Variants in DEUP1 observed in about 807,000 individuals in gnomAD.
DEUP1 encodes coiled-coil domain containing 67.
A neutral mutation model predicts 87.4 loss-of-function variants in DEUP1; 82 were observed. The ratio of observed to expected loss-of-function variants is 0.94; its 90% CI spans 0.78 to 1.13. The LOEUF is 1.13. Among genes scored for constraint, DEUP1 ranks in the 50% most tolerant of loss-of-function variants. The pLI, the probability that DEUP1 is intolerant of heterozygous loss-of-function variation, is 0.00. For synonymous variants in DEUP1, 214 were observed against 222.7 expected (o/e 0.96, Z 0.35); for missense variants, 663 against 681.5 (o/e 0.97, Z 0.30).
chr11:93,380,561 C>T (rs1002637758), intron 7 of DEUP1, among the ~76,000 whole-genome samples: 1 of 151,844 alleles, frequency 6.6e-6, no homozygotes, highest in Non-Finnish European at 1.5e-5. Context: ...CCACCATGCT[C>T]GGCTATTTTT....
chr11:93,389,568 A>G (rs1946704842), intron 9 of DEUP1, among the ~76,000 whole-genome samples: 1 of 152,238 alleles, frequency 6.6e-6, no homozygotes. Flanking sequence ...AACATGTGCC[A>G]GGAACTGTTC....
chr11:93,367,208 T>C (rs1424985442), intron 5 of DEUP1, among the ~76,000 whole-genome samples: 1 of 152,168 alleles, frequency 6.6e-6, no homozygotes, highest in Non-Finnish European at 1.5e-5. Context: ...TTCATTAAAG[T>C]AAAAACTTCC....
At chr11:93,415,234 G>C (rs758031237) in intron 13 of DEUP1, 120 bp downstream of exon 13, 1 of 558,772 alleles carries the variant, frequency 1.8e-6, no homozygotes, top group Admixed American at 3.2e-5. Context: ...TCCTTGAATA[G>C]GACTCCAAGA....
At chr11:93,387,694 C>T (rs1946626219) in intron 8 of DEUP1, among the ~76,000 whole-genome samples, 1 of 151,962 alleles carries the variant, frequency 6.6e-6, no homozygotes, top group African/African-American at 2.4e-5. Flanking sequence ...ATTCTACTTC[C>T]TGAAATTGCT....
chr11:93,347,599 C>G (rs1281260236), intron 2 of DEUP1, among the ~76,000 whole-genome samples: 1 of 152,048 alleles, frequency 6.6e-6, no homozygotes, highest in Non-Finnish European at 1.5e-5. Context: ...GGTACCAGCT[C>G]TTTGTATGTC....
Position 93,364,172 on chromosome 11 carries a change from A to G in DEUP1, c.310A>G (p.Thr104Ala). The change falls in exon 5 of 14, where the codon ACA becomes GCA. Residue 104 changes from threonine to alanine, a missense_variant. Transcript: ENST00000298050. ...CTGTGATTTACAGTTTTCCAAACTAACAAATAACTTTGAAAAACTGAGATT... is the reference window on the plus strand; with the variant it reads ...CTGTGATTTACAGTTTTCCAAACTAGCAAATAACTTTGAAAAACTGAGATT... ...QSLKAQFSKL[T>A]NNFEKLRLHQ... The G allele has an allele frequency of 6.3e-7, 1 of 1,588,382 alleles. No individual in the cohort carries two copies. Among genetic ancestry groups the G allele is most frequent in the Non-Finnish European group, 8.6e-7 (1 of 1,160,880 alleles).
At chr11:93,429,004 T>C (rs552679390) in intron 13 of DEUP1, among the ~76,000 whole-genome samples, 1 of 152,332 alleles carries the variant, frequency 6.6e-6, no homozygotes, top group Admixed American at 6.5e-5. Context: ...TTCATATGTT[T>C]ATTGGCCATT....
At chr11:93,346,503 A>G (rs1944356205) in intron 2 of DEUP1, among the ~76,000 whole-genome samples, 1 of 152,230 alleles carries the variant, frequency 6.6e-6, no homozygotes, top group African/African-American at 2.4e-5. Context: ...TTGGGATTAC[A>G]GGTGTGAGCC....
At chr11:93,418,747 G>A (rs1293064629) in intron 13 of DEUP1, among the ~76,000 whole-genome samples, 2 of 151,460 alleles carry the variant, frequency 1.3e-5, no homozygotes, top group Non-Finnish European at 2.9e-5. Flanking sequence ...GTTTATTGCG[G>A]CACTATTCAC....
intron 12 of DEUP1, among the ~76,000 whole-genome samples, chr11:93,413,222 G>T (rs114197964): frequency 6.7e-6 from 1 of 148,626 alleles, no homozygotes; most frequent in East Asian, 2.0e-4. Context: ...AGGGATTTTC[G>T]TTTTGATGGT....
At chr11:93,435,029 T>G (rs891583767) in intron 13 of DEUP1, among the ~76,000 whole-genome samples, 8 of 152,294 alleles carry the variant, frequency 5.3e-5, no homozygotes, top group African/African-American at 1.9e-4. Flanking sequence ...TGCCATACTC[T>G]TTTGCTATAA....
intron 5 of DEUP1, among the ~76,000 whole-genome samples, chr11:93,368,138 T>C (rs377201429): frequency 6.6e-6 from 1 of 152,248 alleles, no homozygotes; most frequent in East Asian, 1.9e-4. Flanking sequence ...CTTGAAGAAC[T>C]GATCCTGCTT....
At chr11:93,352,794 C>G (rs1944690753) in intron 2 of DEUP1, among the ~76,000 whole-genome samples, 1 of 152,150 alleles carries the variant, frequency 6.6e-6, no homozygotes, top group African/African-American at 2.4e-5. Context: ...GACTTATTCA[C>G]TATCACGAGA....
chr11:93,427,421 T>G (rs1217443915), intron 13 of DEUP1, among the ~76,000 whole-genome samples: 1 of 152,084 alleles, frequency 6.6e-6, no homozygotes, highest in African/African-American at 2.4e-5. Flanking sequence ...TGGCTAGCCA[T>G]ATGTAGAAAG....
chr11:93,354,246 T>TC (rs1306942914), intron 2 of DEUP1, among the ~76,000 whole-genome samples: 7 of 151,896 alleles, frequency 4.6e-5, no homozygotes, highest in South Asian at 2.1e-4. Context: ...ATAACAAGAG[T>TC]CACCTTTACT....
At chr11:93,387,471 C>T (rs1193934890) in intron 8 of DEUP1, among the ~76,000 whole-genome samples, 1 of 151,874 alleles carries the variant, frequency 6.6e-6, no homozygotes, top group Non-Finnish European at 1.5e-5. Context: ...TAGAAGCACC[C>T]TGGGTTGATA....
At chr11:93,335,903 T>C (rs921215870) in intron 2 of DEUP1, among the ~76,000 whole-genome samples, 2 of 152,058 alleles carry the variant, frequency 1.3e-5, no homozygotes, top group Non-Finnish European at 2.9e-5. Context: ...TCACCTGAGG[T>C]TGGGAGTTCA....
rs925282547 is a variant in DEUP1 at position 93,332,287 on chromosome 11, G to A, written c.28G>A (p.Gly10Arg). MENQAHNTM[G>R]TSPCEAELQE... The stretch of plus-strand genomic sequence containing the variant: ...GGAGAACCAAGCCCATAATACGATG[G>A]GGTAAGTGCTGAGAAATTTCTGTTT... The change falls in exon 2 of 14, where the codon GGA becomes AGA. Residue 10 changes from glycine to arginine, a missense_variant and splice_region_variant. Transcript: ENST00000298050. 2.3e-5 allele frequency: 37 copies of A among 1,607,060 alleles called. No homozygotes were observed. Among genetic ancestry groups the A allele is most frequent in the Non-Finnish European group, 3.1e-5 (37 of 1,176,164 alleles).
intron 7 of DEUP1, among the ~76,000 whole-genome samples, chr11:93,380,135 C>G: frequency 6.6e-6 from 1 of 152,134 alleles, no homozygotes; most frequent in East Asian, 1.9e-4. Flanking sequence ...GTTAAACACC[C>G]TACAGTGCAC....
Sources: gnomAD v4.1 joint callset for allele counts (sites outside exome capture counted in the v4.1 genomes callset) on GRCh38, gnomAD v4.1.1 for gene constraint, MANE v1.5 for transcripts, NCBI Gene and HGNC (gene_info 2026-07-23, HGNC 2026-07-21) for gene names.